TJP2: variants seen among roughly 807,000 people sequenced by gnomAD.
TJP2 encodes Friedreich ataxia region gene X104 (tight junction protein ZO-2).
A neutral mutation model predicts 133.1 loss-of-function variants in TJP2; 91 were observed. The observed-to-expected ratio is 0.68, with a 90% CI of 0.58 to 0.81. The LOEUF is 0.81. Ranked by LOEUF, TJP2 falls within the 40% of genes least tolerant of loss-of-function variation. The pLI, the probability that TJP2 is intolerant of heterozygous loss-of-function variation, is 0.00. For synonymous variants in TJP2, 592 were observed against 583.4 expected, an observed-to-expected ratio of 1.01 and a Z score of -0.21; for missense variants, 1,541 against 1,565.6, an observed-to-expected ratio of 0.98 and a Z score of 0.26.
Position 69,239,935 on chromosome 9 carries a change from A to T in TJP2, c.2356-2A>T. The T allele has an allele frequency of 1.2e-6, 2 of 1,613,486 alleles. No individual in the cohort carries two copies. Reference sequence around the variant, plus strand: ...CTCTAACTTTTCCCCTTTTGTAAACAGGATAAGCATGCACTACTGGATGTG... The same window carrying T: ...CTCTAACTTTTCCCCTTTTGTAAACTGGATAAGCATGCACTACTGGATGTG... On this transcript the variant is annotated splice_acceptor_variant, in intron 16 of 22. Transcript: ENST00000377245. LOFTEE classifies it high-confidence loss of function.
At chr9:69,223,191 G>A (rs1386447793) in intron 5 of TJP2, among the ~76,000 whole-genome samples, 4 of 151,956 alleles carry the variant, frequency 2.6e-5, no homozygotes, top group Admixed American at 6.6e-5. Flanking sequence ...ACAGTACTCC[G>A]CCTAATCATT....
chr9:69,220,431 T>A (rs2133265890), intron 4 of TJP2, among the ~76,000 whole-genome samples: 1 of 152,336 alleles, frequency 6.6e-6, no homozygotes, highest in South Asian at 2.1e-4. Context: ...GTACAGTAGA[T>A]TCCTGTAAGC....
At chr9:69,170,665 C>T (rs1051081381), upstream of TJP2, among the ~76,000 whole-genome samples, 2 of 152,192 alleles carry the variant, frequency 1.3e-5, no homozygotes, top group African/African-American at 2.4e-5. Context: ...CCTTAATTGA[C>T]CTCCTCGAAA....
chr9:69,195,746 C>T (rs1054544304), intron 1 of TJP2, among the ~76,000 whole-genome samples: 4 of 152,182 alleles, frequency 2.6e-5, no homozygotes, highest in Admixed American at 6.5e-5. Flanking sequence ...TATACCAAAG[C>T]TGACTGTTCA....
At chr9:69,200,698 C>T (rs374863074) in intron 1 of TJP2, among the ~76,000 whole-genome samples, 1 of 152,180 alleles carries the variant, frequency 6.6e-6, no homozygotes, top group African/African-American at 2.4e-5. Flanking sequence ...GGGCTGGCCT[C>T]GCTTCACATT....
At chr9:69,250,888 G>A in intron 20 of TJP2, 147 bp from the exon 21 acceptor site, 4 of 878,844 alleles carry the variant, frequency 4.6e-6, no homozygotes, top group Non-Finnish European at 7.5e-6. Context: ...GTGGCTGTTT[G>A]CCCTGCTGTA....
chr9:69,230,271 A>C, intron 11 of TJP2, 39 bp downstream of exon 11: 1 of 1,613,142 alleles, frequency 6.2e-7, no homozygotes, highest in Non-Finnish European at 8.5e-7. Context: ...AGTTACTTGT[A>C]AGGAGTGCAC....
At chr9:69,132,517 T>C (rs1452625998) in intron 1 of TJP2, among the ~76,000 whole-genome samples, 1 of 152,194 alleles carries the variant, frequency 6.6e-6, no homozygotes, top group Non-Finnish European at 1.5e-5. Flanking sequence ...GTTTTGCACC[T>C]AGATCCTGGG....
chr9:69,174,433 G>T lies in TJP2; in HGVS notation c.60+1G>T. The T allele has an allele frequency of 6.4e-7, 1 of 1,551,274 alleles. No homozygotes were observed. The highest frequency in any genetic ancestry group is 8.7e-7 in the Non-Finnish European group (1 of 1,146,952). ...GCGGGAGCTGTCAGGTTGGCTCCGCGTAAGTGCCTCCTTGTGCCGCGCGGT... is the reference window on the plus strand; with the variant it reads ...GCGGGAGCTGTCAGGTTGGCTCCGCTTAAGTGCCTCCTTGTGCCGCGCGGT... On this transcript the variant is annotated splice_donor_variant, in intron 1 of 22. Transcript: ENST00000377245. LOFTEE classifies it high-confidence loss of function.
chr9:69,193,153 C>T (rs1022796297), intron 1 of TJP2, among the ~76,000 whole-genome samples: 18 of 152,000 alleles, frequency 1.2e-4, no homozygotes, highest in African/African-American at 4.1e-4. Context: ...TGAGCTCAGA[C>T]GATTCACCCA....
intron 19 of TJP2, chr9:69,248,541 T>C: frequency 1.6e-6 from 2 of 1,266,674 alleles, no homozygotes; most frequent in South Asian, 3.5e-5. Context: ...CCATGCAGTA[T>C]TGTTGTATGT....
intron 1 of TJP2, among the ~76,000 whole-genome samples, chr9:69,199,013 T>G (rs1485771370): frequency 3.3e-5 from 5 of 152,226 alleles, no homozygotes; most frequent in Non-Finnish European, 7.3e-5. Flanking sequence ...GCATTTCCTG[T>G]TTTGTTATTA....
At chr9:69,156,077 G>C (rs1823739765) in intron 2 of TJP2, among the ~76,000 whole-genome samples, 1 of 152,156 alleles carries the variant, frequency 6.6e-6, no homozygotes, top group Non-Finnish European at 1.5e-5. Context: ...TCAACTTAGA[G>C]AGTTTGGCCA....
At chr9:69,205,200 G>A (rs1176524506) in intron 1 of TJP2, 1 of 1,537,154 alleles carries the variant, frequency 6.5e-7, no homozygotes, top group African/African-American at 1.4e-5. Flanking sequence ...TGTGGATCCA[G>A]GCTGTTAAAA....
intron 14 of TJP2, 75 bp from the exon 15 acceptor site, chr9:69,237,803 C>T: frequency 9.7e-7 from 1 of 1,033,326 alleles, no homozygotes; most frequent in Non-Finnish European, 1.5e-6. Flanking sequence ...ATCAAAAGCC[C>T]ATACAATACT....
chr9:69,221,953 C>T (rs183628579), intron 5 of TJP2, among the ~76,000 whole-genome samples: 446 of 149,394 alleles, frequency 3.0e-3, no homozygotes, highest in Non-Finnish European at 5.4e-3. Context: ...CTCACTGCAA[C>T]CTCCGCCTCC....
chr9:69,177,183 A>C (rs1447303792), intron 1 of TJP2, among the ~76,000 whole-genome samples: 1 of 152,200 alleles, frequency 6.6e-6, no homozygotes, highest in Non-Finnish European at 1.5e-5. Flanking sequence ...TCAGGGGCCC[A>C]ACAGTTGTTG....
chr9:69,233,920 T>C (rs1459160033), intron 11 of TJP2, among the ~76,000 whole-genome samples: 1 of 152,194 alleles, frequency 6.6e-6, no homozygotes, highest in Non-Finnish European at 1.5e-5. Flanking sequence ...TGTTAAACAC[T>C]TTTAGGTGAT....
chr9:69,187,260 A>G (rs1459521617), intron 1 of TJP2, among the ~76,000 whole-genome samples: 2 of 152,162 alleles, frequency 1.3e-5, no homozygotes, highest in Admixed American at 6.5e-5. Flanking sequence ...GTTGTTCTGA[A>G]TTGTCTTTGA....
Sources: gnomAD v4.1 joint callset for allele counts (sites outside exome capture counted in the v4.1 genomes callset) on GRCh38, gnomAD v4.1.1 for gene constraint, MANE v1.5 for transcripts, NCBI Gene and HGNC (gene_info 2026-07-23, HGNC 2026-07-21) for gene names.